The following HTR7 variants were observed in gnomAD, a reference collection of about 807,000 sequenced individuals.
HTR7 encodes the protein 5-HT-7.
A neutral mutation model predicts 34.0 loss-of-function variants in HTR7; 16 were observed. The ratio of observed to expected loss-of-function variants is 0.47; its 90% CI spans 0.32 to 0.71. The LOEUF (loss-of-function observed/expected upper bound fraction) is 0.71, where lower values mean the gene tolerates loss of function less well. HTR7 is among the 30% of genes least tolerant of loss of function. The pLI, the probability that HTR7 is intolerant of heterozygous loss-of-function variation, is 0.04. For missense variants in HTR7, 504 were observed against 625.5 expected (o/e 0.81, Z 2.07); for synonymous variants, 265 against 260.2 (o/e 1.02, Z -0.18).
chr10:90,795,492 G>T (rs1471470719), intron 1 of HTR7, among the ~76,000 whole-genome samples: 1 of 152,178 alleles, frequency 6.6e-6, no homozygotes, highest in Non-Finnish European at 1.5e-5. Context: ...AAAGGTAGAA[G>T]ACATTATCAG....
chr10:90,833,977 T>C (rs753655867), intron 1 of HTR7, among the ~76,000 whole-genome samples: 5 of 152,334 alleles, frequency 3.3e-5, no homozygotes, highest in South Asian at 2.1e-4. Context: ...TTGAAAAAAC[T>C]TGGGGGCACT....
chr10:90,767,683 C>G (rs763549688), intron 1 of HTR7, among the ~76,000 whole-genome samples: 2 of 152,120 alleles, frequency 1.3e-5, no homozygotes, highest in Non-Finnish European at 2.9e-5. Flanking sequence ...TCCACCTTTA[C>G]TGCTTGGAAA....
intron 2 of HTR7, 167 bp from the exon 3 acceptor site, chr10:90,743,857 A>T (rs1844594539): frequency 1.4e-6 from 1 of 729,972 alleles, no homozygotes; most frequent in Non-Finnish European, 2.5e-6. Flanking sequence ...TTACCAGTGC[A>T]AAAGTATTCA....
chr10:90,839,111 A>C (rs1846291782), intron 1 of HTR7, among the ~76,000 whole-genome samples: 1 of 152,254 alleles, frequency 6.6e-6, no homozygotes, highest in Non-Finnish European at 1.5e-5. Context: ...TATGCTAAGG[A>C]GTTGCTAATA....
chr10:90,801,300 G>GT (rs1321085549), intron 1 of HTR7, among the ~76,000 whole-genome samples: 2 of 152,098 alleles, frequency 1.3e-5, no homozygotes, highest in African/African-American at 2.4e-5. Flanking sequence ...CACTTTTTCT[G>GT]TTTTTTGGTT....
intron 1 of HTR7, among the ~76,000 whole-genome samples, chr10:90,812,435 C>A (rs1480963987): frequency 6.6e-6 from 1 of 152,236 alleles, no homozygotes; most frequent in East Asian, 1.9e-4. Context: ...CAGGACTATG[C>A]TGAATCTCCT....
chr10:90,789,718 G>T (rs1415210405), intron 1 of HTR7, among the ~76,000 whole-genome samples: 2 of 152,284 alleles, frequency 1.3e-5, no homozygotes, highest in Middle Eastern at 3.4e-3. Context: ...CACTGCACTT[G>T]CTGAATGCAT....
At chr10:90,826,961 T>A (rs1846086490) in intron 1 of HTR7, among the ~76,000 whole-genome samples, 1 of 151,060 alleles carries the variant, frequency 6.6e-6, no homozygotes, top group Non-Finnish European at 1.5e-5. Context: ...ATAATAATAA[T>A]AAAATAAATA....
chr10:90,831,231 G>A (rs191902364), intron 1 of HTR7, among the ~76,000 whole-genome samples: 7 of 152,286 alleles, frequency 4.6e-5, no homozygotes, highest in East Asian at 1.9e-4. Flanking sequence ...GACCCTCGCC[G>A]TGAGTGTTAC....
intron 1 of HTR7, among the ~76,000 whole-genome samples, chr10:90,814,405 T>C (rs1845866538): frequency 6.6e-6 from 1 of 152,212 alleles, no homozygotes; most frequent in Non-Finnish European, 1.5e-5. Context: ...ACTCCTACTG[T>C]TGTCCAGAAC....
At chr10:90,809,230 C>T (rs535343365) in intron 1 of HTR7, among the ~76,000 whole-genome samples, 75 of 152,310 alleles carry the variant, frequency 4.9e-4, no homozygotes, top group African/African-American at 1.7e-3. Flanking sequence ...GTAACTAGCC[C>T]TCTGCCACCT....
At chr10:90,793,871 T>C (rs563008768) in intron 1 of HTR7, among the ~76,000 whole-genome samples, 2 of 152,214 alleles carry the variant, frequency 1.3e-5, no homozygotes, top group South Asian at 4.2e-4. Context: ...GAGTCTGATG[T>C]TCAAGGGCAA....
chr10:90,849,200 TC>T (rs1437408177), intron 1 of HTR7, among the ~76,000 whole-genome samples: 3 of 152,146 alleles, frequency 2.0e-5, no homozygotes, highest in Non-Finnish European at 2.9e-5. Flanking sequence ...AATAACAGGG[TC>T]TTAGGGTGTA....
chr10:90,808,648 C>T (rs1019455244), intron 1 of HTR7, among the ~76,000 whole-genome samples: 2 of 152,102 alleles, frequency 1.3e-5, no homozygotes, highest in South Asian at 2.1e-4. Flanking sequence ...AACCCCTGAA[C>T]CCCTTCCCTC....
intron 1 of HTR7, among the ~76,000 whole-genome samples, chr10:90,831,294 T>A (rs1225278424): frequency 6.6e-6 from 1 of 152,166 alleles, no homozygotes; most frequent in Non-Finnish European, 1.5e-5. Context: ...TTCGGCTGTG[T>A]TCGGAGTTTC....
intron 1 of HTR7, among the ~76,000 whole-genome samples, chr10:90,852,058 C>G (rs1245185502): frequency 1.3e-5 from 2 of 151,882 alleles, no homozygotes; most frequent in Admixed American, 6.6e-5. Flanking sequence ...CTAATACATT[C>G]AGTAAAAAAA....
chr10:90,753,067 T>A (rs1352067864), intron 1 of HTR7, among the ~76,000 whole-genome samples: 2 of 152,116 alleles, frequency 1.3e-5, no homozygotes, highest in East Asian at 3.8e-4. Context: ...GAGTTAAAAG[T>A]CAAATCATAA....
rs929492526 is a variant in HTR7 at position 90,857,369 on chromosome 10, C to A, written c.303G>T (p.Leu101=). The A allele has an allele frequency of 1.9e-6, 3 of 1,613,974 alleles. No homozygotes were observed. Among genetic ancestry groups the A allele is most frequent in the Non-Finnish European group, 2.5e-6 (3 of 1,180,030 alleles). The change falls in exon 1 of 4, where the codon CTG becomes CTT. Residue 101 remains leucine (L), a synonymous_variant. Coordinates refer to ENST00000336152, the MANE Select transcript of HTR7 (RefSeq NM_019859.4). The surrounding 1 kb of genome is among the most constrained non-coding windows in gnomAD (Gnocchi z 6.5). ...TGACGAAGCACACGGAGATCACCAC[C>A]AGGCAGTTGCCCGCGATCGTCAGCA... is the stretch of plus-strand genomic sequence containing the variant. The part of the protein sequence containing the change: ...ITLLTIAGNC[L]VVISVCFVKK...
chr10:90,842,209 G>T (rs1846339484), intron 1 of HTR7, among the ~76,000 whole-genome samples: 1 of 152,104 alleles, frequency 6.6e-6, no homozygotes, highest in African/African-American at 2.4e-5. Context: ...GAGTAAATTT[G>T]CTAGGCCCTT....
Sources: gnomAD v4.1 joint callset for allele counts (sites outside exome capture counted in the v4.1 genomes callset) on GRCh38, gnomAD v4.1.1 for gene constraint, Gnocchi (gnomAD v3.1) non-coding constraint, MANE v1.5 for transcripts, NCBI Gene and HGNC (gene_info 2026-07-23, HGNC 2026-07-21) for gene names.